TTC19: variants seen among roughly 807,000 people sequenced by gnomAD.
TTC19 encodes the protein tetratricopeptide repeat protein 19, mitochondrial.
TTC19 carries 38 observed loss-of-function variants against 49.5 expected under a neutral mutation model. That is an observed-to-expected ratio of 0.77 (90% CI 0.59 to 1.01). TTC19 has a LOEUF of 1.01. Ranked by LOEUF, TTC19 falls within the 50% of genes least tolerant of loss-of-function variation. The pLI is 0.00. For missense variants in TTC19, 475 were observed against 477.7 expected (o/e 0.99, Z 0.05); for synonymous variants, 204 against 185.2 (o/e 1.10, Z -0.83).
chr17:16,044,545 C>T (rs754816227), exon 3 of TTC19: 3 of 499,010 alleles, frequency 6.0e-6, no homozygotes, highest in Non-Finnish European at 1.2e-5. Flanking sequence ...GCTAAGGCCA[C>T]GTTGGGATGA....
rs1291873227 is a variant in TTC19, at chr17:16,027,811, T to A, written c.*289T>A. 3.9e-6 allele frequency: 2 copies of A among 512,382 alleles called. No homozygotes were observed. The highest frequency in any genetic ancestry group is 4.5e-5 in the Admixed American group (2 of 44,148). The allele number at this position is 512,382 out of a possible 1,614,324, so 31.7% of individuals were successfully genotyped here. A position where few individuals can be genotyped will look rare whatever the true frequency, so the allele number is the denominator to read the frequency against. ...CTGCTGGTCTAAGTAGAACTGTAGATTCATATGGGCTGGTGTTCCTGTGCG... is the reference window on the plus strand; with the variant it reads ...CTGCTGGTCTAAGTAGAACTGTAGAATCATATGGGCTGGTGTTCCTGTGCG... On this transcript the variant is annotated 3_prime_UTR_variant, in exon 10 of 10. Coordinates refer to ENST00000261647, the MANE Select transcript of TTC19 (RefSeq NM_017775.4).
intron 7 of TTC19, among the ~76,000 whole-genome samples, 199 bp downstream of exon 7, chr17:16,006,767 G>T (rs548253925): frequency 5.4e-5 from 8 of 148,186 alleles, no homozygotes; most frequent in Non-Finnish European, 1.0e-4. Flanking sequence ...TTTGGTGGTG[G>T]TTTTTTTTTT....
At chr17:16,020,544 G>A (rs1378575081) in intron 7 of TTC19, among the ~76,000 whole-genome samples, 1 of 152,202 alleles carries the variant, frequency 6.6e-6, no homozygotes, top group East Asian at 1.9e-4. Context: ...GTCTTGATTT[G>A]TAATGACATC....
chr17:16,021,355 TGCAGCCTG>T (rs1459377805), intron 7 of TTC19, among the ~76,000 whole-genome samples: 2 of 152,190 alleles, frequency 1.3e-5, no homozygotes, highest in Non-Finnish European at 2.9e-5. Flanking sequence ...GCAACTGCAC[TGCAGCCTG>T]GGCGACAGAG....
At chr17:16,002,670 G>T (rs746850732) in intron 3 of TTC19, 123 bp from the exon 4 acceptor site, 1 of 869,734 alleles carries the variant, frequency 1.1e-6, no homozygotes, top group South Asian at 1.3e-5. Context: ...AATTGGTGAT[G>T]TGCTTTTCAT....
At position 16,025,320 on chromosome 17, in the gene TTC19, C is replaced by T. The variant is rs192576331; in HGVS notation, c.831+149C>T. 113 of 814,846 alleles carry T rather than the reference C, an allele frequency of 1.4e-4. No homozygotes were observed. The Admixed American group carries it at 1.7e-3, about 12-fold the overall frequency. 50.5% of individuals were successfully genotyped at this position (814,846 alleles called of 1,614,324 possible). On this transcript the variant is annotated intron_variant, in intron 8 of 9. Transcript: ENST00000261647. ...CTACTCATTTTCTTATCACCAGCAC[C>T]CTCACCCCAACTACTTGTTTCAGAA...
rs779592523 is a variant in TTC19 at position 16,000,127 on chromosome 17, G to C, written c.194G>C (p.Trp65Ser). 4 of 1,567,654 alleles carry C rather than the reference G, an allele frequency of 2.6e-6. No homozygotes were observed. The highest frequency in any genetic ancestry group is 3.6e-5 in the Admixed American group (2 of 55,694). Reference protein sequence around the residue: ...GLLPLLAALAWFSRPAAAEEE... With the variant: ...GLLPLLAALASFSRPAAAEEE... The stretch of plus-strand genomic sequence containing the variant: ...GAGCCCCTTCCCGCAGCGCTCGCCT[G>C]GTTCTCGAGGCCCGCTGCGGCAGAG... The change falls in exon 2 of 10, where the codon TGG (tryptophan) becomes TCG (serine). Residue 65 changes from tryptophan to serine, a missense_variant. Trp to Ser is a radical substitution (Grantham distance 177). Coordinates refer to ENST00000261647, the MANE Select transcript of TTC19 (RefSeq NM_017775.4).
intron 2 of TTC19, among the ~76,000 whole-genome samples, chr17:16,036,403 A>G (rs1567627321): frequency 6.6e-6 from 1 of 152,230 alleles, no homozygotes; most frequent in Non-Finnish European, 1.5e-5. Flanking sequence ...TAGGATTTTC[A>G]GAATGGTAAA....
intron 2 of TTC19, among the ~76,000 whole-genome samples, chr17:16,034,575 T>C (rs891084419): frequency 1.3e-5 from 2 of 152,058 alleles, no homozygotes; most frequent in African/African-American, 4.8e-5. Flanking sequence ...GCCATTGCAT[T>C]CCAGCCTGGG....
downstream of TTC19, among the ~76,000 whole-genome samples, chr17:16,034,397 T>A (rs1973554786): frequency 6.6e-6 from 1 of 152,120 alleles, no homozygotes; most frequent in Admixed American, 6.6e-5. Flanking sequence ...GAGACCAGCC[T>A]GGGCAACGTA....
chr17:16,002,551 G>A (rs1401105108), intron 3 of TTC19: 1 of 545,492 alleles, frequency 1.8e-6, no homozygotes, highest in Non-Finnish European at 3.3e-6. Context: ...AGTATCATTA[G>A]CATGTTTTTT....
intron 2 of TTC19, among the ~76,000 whole-genome samples, chr17:16,037,140 A>G (rs2056559750): frequency 6.6e-6 from 1 of 152,224 alleles, no homozygotes; most frequent in East Asian, 1.9e-4. Context: ...GGAGAGAGAC[A>G]GGGAACAACC....
At chr17:16,000,346 G>A in intron 2 of TTC19, 101 bp downstream of exon 2, 4 of 1,538,700 alleles carry the variant, frequency 2.6e-6, no homozygotes, top group Non-Finnish European at 3.5e-6. Context: ...GCCGAAGAGT[G>A]GATGGAGGCT....
At chr17:16,036,085 T>C (rs906311524) in intron 2 of TTC19, among the ~76,000 whole-genome samples, 1 of 152,276 alleles carries the variant, frequency 6.6e-6, no homozygotes, top group African/African-American at 2.4e-5. Flanking sequence ...TATTGCCTTA[T>C]GAAATGTATT....
In TTC19 at chr17:16,027,495, A is replaced by G. The variant is rs752233633; in HGVS notation, c.1116A>G (p.Arg372=). 8.1e-6 allele frequency: 13 copies of G among 1,614,042 alleles called. No homozygotes were observed. The South Asian group carries it at 1.4e-4, about 18-fold the overall frequency. ...TGGCTGAGCTGTCAAAGAAAAGTAG[A>G]CCTTTGACAAATTCTGTCAAGCTCT... is the stretch of plus-strand genomic sequence containing the variant. ...EELAELSKKS[R]PLTNSVKL is the part of the protein sequence containing the mutation. Residue 372 remains arginine (R), a synonymous_variant, in exon 10 of 10, where the codon AGA becomes AGG. Transcript: ENST00000261647.
At position 16,025,068 on chromosome 17, in the gene TTC19, G is replaced by C; in HGVS notation, c.728G>C (p.Cys243Ser). The change falls in exon 8 of 10, where the codon TGT becomes TCT. Residue 243 changes from cysteine to serine, a missense_variant. Coordinates refer to ENST00000261647, the MANE Select transcript of TTC19 (RefSeq NM_017775.4). ...HLLLGMCLDA[C>S]ARYLLFSKQP... ...CTCTTGGGCATGTGCTTAGACGCCT[G>C]TGCTCGCTACCTTCTGTTCTCCAAG... The C allele has an allele frequency of 6.2e-7, 1 of 1,613,934 alleles. No individual in the cohort carries two copies. The highest frequency in any genetic ancestry group is 8.5e-7 in the Non-Finnish European group (1 of 1,179,864).
At chr17:16,016,733 T>C (rs1282672029) in intron 7 of TTC19, among the ~76,000 whole-genome samples, 1 of 152,070 alleles carries the variant, frequency 6.6e-6, no homozygotes, top group Non-Finnish European at 1.5e-5. Flanking sequence ...AATTTTTGTA[T>C]TTTTAGTTGA....
rs552857618 is a variant in TTC19 at position 16,027,195 on chromosome 17, C to A, written c.995-179C>A. The A allele has an allele frequency of 1.9e-5, 13 of 699,144 alleles. No individual in the cohort carries two copies. In the South Asian group the frequency reaches 2.3e-4, roughly 12 times the overall value. The allele number at this position is 699,144 out of a possible 1,614,324, so 43.3% of individuals were successfully genotyped here. On this transcript the variant is annotated intron_variant, in intron 9 of 9. Coordinates refer to ENST00000261647, the MANE Select transcript of TTC19 (RefSeq NM_017775.4). Reference sequence around the variant, plus strand: ...TATACTGGAAAGGGCCGTTAGGAATCCCACAGCATTCAGTGGAGTTCCAGC... The same window carrying A: ...TATACTGGAAAGGGCCGTTAGGAATACCACAGCATTCAGTGGAGTTCCAGC...
At chr17:16,026,005 G>A (rs894817387) in intron 8 of TTC19, among the ~76,000 whole-genome samples, 2 of 152,046 alleles carry the variant, frequency 1.3e-5, no homozygotes, top group Admixed American at 1.3e-4. Flanking sequence ...GGCATCAGTG[G>A]GGAAGTAGGT....
Sources: allele counts gnomAD v4.1 joint callset (sites outside exome capture counted in the v4.1 genomes callset), GRCh38; gene constraint gnomAD v4.1.1; transcripts MANE v1.5; gene names NCBI Gene and HGNC (gene_info 2026-07-23, HGNC 2026-07-21).